PPM1E: variants seen among roughly 807,000 people sequenced by gnomAD.
PPM1E encodes the protein protein phosphatase 1E.
A neutral mutation model predicts 65.9 loss-of-function variants in PPM1E; 20 were observed. The ratio of observed to expected loss-of-function variants is 0.30; its 90% CI spans 0.21 to 0.44. The LOEUF is 0.44. Ranked by LOEUF, PPM1E falls within the 20% of genes least tolerant of loss-of-function variation. The pLI, the probability that PPM1E is intolerant of heterozygous loss-of-function variation, is 1.00. For missense variants in PPM1E, 713 were observed against 953.1 expected (o/e 0.75, Z 3.32); for synonymous variants, 352 against 374.9 (o/e 0.94, Z 0.70).
intron 4 of PPM1E, among the ~76,000 whole-genome samples, chr17:58,971,146 T>C (rs1010825670): frequency 1.3e-5 from 2 of 152,156 alleles, no homozygotes; most frequent in African/African-American, 2.4e-5. Context: ...ATTCCTGTTA[T>C]GAAGCAGCCC....
intron 6 of PPM1E, 35 bp from the exon 7 acceptor site, chr17:58,979,939 A>G: frequency 6.5e-7 from 1 of 1,539,164 alleles, no homozygotes; most frequent in Non-Finnish European, 8.8e-7. Flanking sequence ...GGTAAAACAA[A>G]TGCTAATGAT....
chr17:58,863,618 G>C (rs1680409383), intron 1 of PPM1E, among the ~76,000 whole-genome samples: 1 of 152,250 alleles, frequency 6.6e-6, no homozygotes, highest in Non-Finnish European at 1.5e-5. Flanking sequence ...TGCACCCAGT[G>C]GTCCTGAAAT....
At chr17:58,759,044 C>T (rs544135463) in intron 1 of PPM1E, among the ~76,000 whole-genome samples, 2 of 152,206 alleles carry the variant, frequency 1.3e-5, no homozygotes, top group East Asian at 1.9e-4. Context: ...TCCATTCCAG[C>T]CTGGGTGACA....
At chr17:58,840,291 G>A (rs190293532) in intron 1 of PPM1E, among the ~76,000 whole-genome samples, 42 of 152,304 alleles carry the variant, frequency 2.8e-4, no homozygotes, top group Non-Finnish European at 3.7e-4. Flanking sequence ...TACTCACATG[G>A]CTGTTTTTTG....
At chr17:58,765,434 C>A (rs1265011139) in intron 1 of PPM1E, among the ~76,000 whole-genome samples, 1 of 151,980 alleles carries the variant, frequency 6.6e-6, no homozygotes, top group African/African-American at 2.4e-5. Context: ...CCTTGGCCTC[C>A]CAAAGTGCTG....
intron 6 of PPM1E, among the ~76,000 whole-genome samples, chr17:58,973,401 T>C (rs2030771856): frequency 7.1e-6 from 1 of 139,960 alleles, no homozygotes; most frequent in Non-Finnish European, 1.5e-5. Context: ...TGGGTGACAG[T>C]GTGAGACTGT....
In PPM1E at chr17:58,755,961, A is replaced by G. The variant is rs1183541043; in HGVS notation, c.-37A>G. 6.2e-7 allele frequency: 1 copy of G among 1,613,232 alleles called. No homozygotes were observed. Among genetic ancestry groups the G allele is most frequent in the Middle Eastern group, 1.7e-4 (1 of 6,036 alleles). ...CCCTTACCCTTCCTGGGCTTCCCCC[A>G]ACCCCTTTCCCGGTCTGCCCTGGGG... On this transcript the variant is annotated 5_prime_UTR_variant, in exon 1 of 7. Coordinates refer to ENST00000308249, the MANE Select transcript of PPM1E (RefSeq NM_014906.5).
At chr17:58,866,316 G>T (rs1050144018) in intron 1 of PPM1E, among the ~76,000 whole-genome samples, 1 of 152,172 alleles carries the variant, frequency 6.6e-6, no homozygotes, top group African/African-American at 2.4e-5. Context: ...TCAAATCAAG[G>T]AGCTCATTTT....
At chr17:58,969,830 A>G in intron 4 of PPM1E, 103 bp downstream of exon 4, 2 of 1,091,658 alleles carry the variant, frequency 1.8e-6, no homozygotes, top group Non-Finnish European at 2.6e-6. Context: ...CTGGGCAGAC[A>G]TTATCCAAAC....
At chr17:58,805,038 C>G (rs1297086169) in intron 1 of PPM1E, among the ~76,000 whole-genome samples, 2 of 152,092 alleles carry the variant, frequency 1.3e-5, no homozygotes, top group African/African-American at 4.8e-5. Flanking sequence ...CCCCACCATA[C>G]CCTGCCCAGC....
chr17:58,981,152 C>G lies in PPM1E; in HGVS notation c.*121C>G. The G allele has an allele frequency of 1.4e-6, 1 of 695,704 alleles. No homozygotes were observed. Among genetic ancestry groups the G allele is most frequent in the East Asian group, 2.8e-5 (1 of 36,162 alleles). 43.1% of individuals were successfully genotyped at this position (695,704 alleles called of 1,614,324 possible). On this transcript the variant is annotated 3_prime_UTR_variant, in exon 7 of 7. Transcript: ENST00000308249. ...TTATGAATCCATGGATGGCTCAATT[C>G]TTAAATGTAAATAGATCTCTAGGAA...
At chr17:58,841,256 C>T (rs913094457) in intron 1 of PPM1E, among the ~76,000 whole-genome samples, 1 of 152,108 alleles carries the variant, frequency 6.6e-6, no homozygotes, top group Admixed American at 6.6e-5. Context: ...GGTTAATTCT[C>T]CACTCCTTAA....
intron 1 of PPM1E, among the ~76,000 whole-genome samples, chr17:58,786,015 C>CTTT (rs199866066): frequency 3.6e-5 from 5 of 139,084 alleles, no homozygotes; most frequent in Non-Finnish European, 4.7e-5. Flanking sequence ...CACCTTTTCA[C>CTTT]TTTTTTTTTT....
chr17:58,908,128 C>T (rs1232672960), intron 1 of PPM1E, among the ~76,000 whole-genome samples: 2 of 151,530 alleles, frequency 1.3e-5, no homozygotes, highest in Admixed American at 6.6e-5. Flanking sequence ...GTCATCCAGG[C>T]TGGAGTGCAG....
chr17:58,814,852 G>C (rs1372791174), intron 1 of PPM1E, among the ~76,000 whole-genome samples: 1 of 152,184 alleles, frequency 6.6e-6, no homozygotes, highest in Admixed American at 6.5e-5. Context: ...TTCTGGGCCA[G>C]ATTTGGCCCA....
chr17:58,971,727 A>T (rs2030640301), intron 4 of PPM1E, among the ~76,000 whole-genome samples: 1 of 152,200 alleles, frequency 6.6e-6, no homozygotes, highest in South Asian at 2.1e-4. Flanking sequence ...TCAGTAATGA[A>T]ATGGAGAGCA....
chr17:58,959,229 A>G (rs113861314), intron 2 of PPM1E, among the ~76,000 whole-genome samples: 3,123 of 149,148 alleles, frequency 0.021, 97 homozygotes, highest in African/African-American at 0.073. Context: ...GAATCACTTG[A>G]ACCTAGGAGG....
At chr17:58,814,258 C>T (rs2050395271) in intron 1 of PPM1E, among the ~76,000 whole-genome samples, 1 of 151,424 alleles carries the variant, frequency 6.6e-6, no homozygotes, top group African/African-American at 2.4e-5. Context: ...TTTGGAGGAA[C>T]TGGTAAATAT....
intron 1 of PPM1E, among the ~76,000 whole-genome samples, 179 bp downstream of exon 1, chr17:58,756,640 ACGCCCGCCTCGGCCCC>A (rs2049769065): frequency 4.8e-5 from 1 of 20,692 alleles, no homozygotes; most frequent in Non-Finnish European, 1.1e-4. Flanking sequence ...AGAGCTGCCC[ACGCCCGCCTCGGCCCC>A]CACGCCCGCC....
Sources: gnomAD v4.1 joint callset for allele counts (sites outside exome capture counted in the v4.1 genomes callset) on GRCh38, gnomAD v4.1.1 for gene constraint, MANE v1.5 for transcripts, NCBI Gene and HGNC (gene_info 2026-07-23, HGNC 2026-07-21) for gene names.